The following TMCO4 variants were observed in gnomAD, a reference collection of about 807,000 sequenced individuals.
TMCO4 encodes the protein transmembrane and coiled-coil domain-containing protein 4.
TMCO4 carries 58 observed loss-of-function variants against 64.7 expected under a neutral mutation model. The ratio of observed to expected loss-of-function variants is 0.90; its 90% confidence interval spans 0.73 to 1.12. TMCO4 has a LOEUF of 1.12. Among genes scored for constraint, TMCO4 ranks in the 50% most tolerant of loss-of-function variants. The pLI is 0.00. For synonymous variants in TMCO4, 325 were observed against 346.1 expected (o/e 0.94, Z 0.68); for missense variants, 780 against 825.9 (o/e 0.94, Z 0.68).
At chr1:19,780,519 C>T in intron 4 of TMCO4, 61 bp downstream of exon 4, 1 of 1,518,404 alleles carries the variant, frequency 6.6e-7, no homozygotes, top group Non-Finnish European at 8.8e-7. Context: ...GGCTGTTTGG[C>T]TGTCCGTAGT....
intron 1 of TMCO4, among the ~76,000 whole-genome samples, chr1:19,798,692 C>T (rs1364403620): frequency 6.6e-6 from 1 of 152,190 alleles, no homozygotes; most frequent in Non-Finnish European, 1.5e-5. Context: ...ATGTACTTCA[C>T]AGTTGGGGAA....
intron 2 of TMCO4, among the ~76,000 whole-genome samples, chr1:19,793,133 T>G (rs2044135327): frequency 6.6e-6 from 1 of 152,064 alleles, no homozygotes; most frequent in African/African-American, 2.4e-5. Context: ...GTGCCGCCTC[T>G]CCCATGCTGC....
chr1:19,741,356 G>T (rs140299424), intron 10 of TMCO4, among the ~76,000 whole-genome samples: 4 of 152,174 alleles, frequency 2.6e-5, no homozygotes, highest in Admixed American at 6.5e-5. Flanking sequence ...GACATACAAC[G>T]AGAGCATACA....
intron 13 of TMCO4, among the ~76,000 whole-genome samples, chr1:19,706,278 AG>A (rs1369876584): frequency 6.6e-6 from 1 of 152,198 alleles, no homozygotes; most frequent in Non-Finnish European, 1.5e-5. Flanking sequence ...ATGTGGATTC[AG>A]TGTAGAATGC....
chr1:19,755,213 C>T (rs1461962732), intron 7 of TMCO4, among the ~76,000 whole-genome samples: 2 of 152,228 alleles, frequency 1.3e-5, no homozygotes, highest in African/African-American at 4.8e-5. Flanking sequence ...GCAACCTCCA[C>T]CTCCCTGTTT....
At chr1:19,742,683 G>A (rs2095484953) in intron 10 of TMCO4, among the ~76,000 whole-genome samples, 1 of 152,216 alleles carries the variant, frequency 6.6e-6, no homozygotes. Flanking sequence ...CCACGGGTGT[G>A]ACCCACAGCA....
chr1:19,757,343 C>T (rs2042309723), intron 6 of TMCO4, among the ~76,000 whole-genome samples: 1 of 152,182 alleles, frequency 6.6e-6, no homozygotes, highest in Non-Finnish European at 1.5e-5. Context: ...CTTGTGGCCC[C>T]TCCCTCCAGT....
chr1:19,699,296 CATA>C (rs1226629348), intron 14 of TMCO4, among the ~76,000 whole-genome samples: 2 of 151,896 alleles, frequency 1.3e-5, no homozygotes, highest in East Asian at 3.9e-4. Flanking sequence ...TCTTCTGCTT[CATA>C]ATGTCATTTA....
chr1:19,779,542 C>T (rs2043360289), intron 4 of TMCO4, among the ~76,000 whole-genome samples: 1 of 152,212 alleles, frequency 6.6e-6, no homozygotes, highest in Non-Finnish European at 1.5e-5. Context: ...ATGGGAGGTA[C>T]TGTCAATGAT....
At chr1:19,696,696 G>C (rs992623771) in intron 14 of TMCO4, among the ~76,000 whole-genome samples, 1 of 152,200 alleles carries the variant, frequency 6.6e-6, no homozygotes, top group African/African-American at 2.4e-5. Flanking sequence ...AGGATGGTCA[G>C]GAAATGTTTC....
chr1:19,744,095 T>C (rs2041655308), intron 10 of TMCO4, among the ~76,000 whole-genome samples: 1 of 152,190 alleles, frequency 6.6e-6, no homozygotes, highest in African/African-American at 2.4e-5. Context: ...CTTCTGCCCT[T>C]AGGTCAGAGA....
At chr1:19,742,013 T>G (rs917543332) in intron 10 of TMCO4, among the ~76,000 whole-genome samples, 15 of 152,004 alleles carry the variant, frequency 9.9e-5, no homozygotes, top group Admixed American at 2.0e-4. Flanking sequence ...GCTGGAATTA[T>G]AGGCGTGAAC....
intron 3 of TMCO4, among the ~76,000 whole-genome samples, chr1:19,782,533 G>A (rs935856926): frequency 1.9e-4 from 29 of 152,236 alleles, no homozygotes; most frequent in Non-Finnish European, 2.2e-4. Flanking sequence ...TTTGTGTATG[G>A]TATACCTCAA....
At chr1:19,779,823 T>A (rs1354072668) in intron 4 of TMCO4, among the ~76,000 whole-genome samples, 1 of 152,228 alleles carries the variant, frequency 6.6e-6, no homozygotes, top group Non-Finnish European at 1.5e-5. Context: ...CTGGACGGTG[T>A]CCTACTTGAT....
intron 13 of TMCO4, among the ~76,000 whole-genome samples, chr1:19,713,251 C>T (rs1003940715): frequency 2.0e-5 from 3 of 152,004 alleles, no homozygotes; most frequent in Non-Finnish European, 4.4e-5. Flanking sequence ...GAATTATGGC[C>T]GTTTTTTGCC....
chr1:19,683,093 C>G lies in TMCO4; in HGVS notation c.1852G>C (p.Gly618Arg), dbSNP rs758819673. Reference protein sequence around the residue: ...CSHGMDPNPLGCPDCACKTQG... With the variant: ...CSHGMDPNPLRCPDCACKTQG... ...GTCTTGCAGGCACAATCGGGGCAGC[C>G]CAGTGGGTTGGGGTCCATGCCATGG... The change falls in exon 16 of 16, where the codon GGC (glycine) becomes CGC (arginine). Residue 618 changes from glycine (G) to arginine (R), a missense_variant. Transcript: ENST00000294543. 1 of 1,610,272 alleles carries G rather than the reference C, an allele frequency of 6.2e-7. No homozygotes were observed. The highest frequency in any genetic ancestry group is 1.1e-5 in the South Asian group (1 of 90,328).
chr1:19,739,250 C>T (rs566809067), intron 12 of TMCO4, among the ~76,000 whole-genome samples: 4 of 152,276 alleles, frequency 2.6e-5, no homozygotes, highest in East Asian at 1.9e-4. Context: ...GTAAGTACAT[C>T]TTTACTAGAT....
chr1:19,694,360 C>T, intron 15 of TMCO4, 74 bp downstream of exon 15: 3 of 1,363,874 alleles, frequency 2.2e-6, no homozygotes, highest in Non-Finnish European at 2.1e-6. Context: ...GCCACTGTCT[C>T]CAGGGGACAG....
At chr1:19,741,726 T>TTTTC (rs202128832) in intron 10 of TMCO4, among the ~76,000 whole-genome samples, 25 of 144,112 alleles carry the variant, frequency 1.7e-4, no homozygotes, top group African/African-American at 4.3e-4. Context: ...GTGGCTTTTC[T>TTTTC]TTTCTTTCTT....
Sources: gnomAD v4.1 joint callset for allele counts (sites outside exome capture counted in the v4.1 genomes callset) on GRCh38, gnomAD v4.1.1 for gene constraint, MANE v1.5 for transcripts, NCBI Gene and HGNC (gene_info 2026-07-23, HGNC 2026-07-21) for gene names.